PRH1: variants seen among roughly 807,000 people sequenced by gnomAD.
The protein encoded by PRH1 is salivary acidic proline-rich phosphoprotein 1/2.
Under a neutral mutation model 7.9 loss-of-function variants are expected in PRH1, and 7 were observed. The observed-to-expected ratio is 0.89, with a 90% CI of 0.50 to 1.67. The LOEUF is 1.67. PRH1 is among the 40% of genes most tolerant of loss of function. The probability of loss-of-function intolerance (pLI) is 0.00; values close to 1 mark genes in which losing one functional copy is unlikely to be tolerated. For synonymous variants in PRH1, 45 were observed against 80.8 expected, an observed-to-expected ratio of 0.56 and a Z score of 2.38; for missense variants, 109 against 223.6, an observed-to-expected ratio of 0.49 and a Z score of 3.27.
chr12:11,139,741 G>A (rs994556958), intron 1 of PRH1, among the ~76,000 whole-genome samples: 5 of 152,090 alleles, frequency 3.3e-5, no homozygotes, highest in African/African-American at 4.8e-5. Context: ...TCAGTGATAC[G>A]CATGTGCATG....
upstream of PRH1, among the ~76,000 whole-genome samples, chr12:11,049,567 C>A (rs577077026): frequency 3.3e-5 from 5 of 152,264 alleles, no homozygotes; most frequent in South Asian, 1.0e-3. Context: ...AAAGTAAATT[C>A]TCATGTGTTA....
chr12:11,118,959 C>T (rs1945810571), downstream of PRH1, among the ~76,000 whole-genome samples: 1 of 136,286 alleles, frequency 7.3e-6, no homozygotes, highest in Admixed American at 8.3e-5. Flanking sequence ...TGCGCCACTG[C>T]ACTCCAGCCT....
intron 2 of PRH1, among the ~76,000 whole-genome samples, chr12:10,914,361 C>T (rs1201826606): frequency 6.6e-6 from 1 of 152,006 alleles, no homozygotes; most frequent in Non-Finnish European, 1.5e-5. Context: ...ATACATGTGC[C>T]ATAGTAAATT....
chr12:10,882,769 T>G (rs11054060), intron 2 of PRH1, 71 bp from the exon 3 acceptor site: 908,005 of 1,583,150 alleles, frequency 0.57, 266,644 homozygotes, highest in East Asian at 0.74. Context: ...CTCTCTGTCT[T>G]CACCACACGG....
At chr12:11,006,636 T>C (rs1198566017) in intron 1 of PRH1, among the ~76,000 whole-genome samples, 1 of 152,082 alleles carries the variant, frequency 6.6e-6, no homozygotes, top group Non-Finnish European at 1.5e-5. Flanking sequence ...TTAACATGTC[T>C]GAAGAGACAA....
chr12:10,900,244 C>T (rs534229223), intron 2 of PRH1, among the ~76,000 whole-genome samples: 1 of 152,282 alleles, frequency 6.6e-6, no homozygotes, highest in Admixed American at 6.5e-5. Context: ...CAACCCAGTG[C>T]TCAGAGGGAA....
chr12:10,907,597 A>G (rs1949824001), intron 2 of PRH1, among the ~76,000 whole-genome samples: 1 of 151,806 alleles, frequency 6.6e-6, no homozygotes, highest in Non-Finnish European at 1.5e-5. Context: ...GAAATCAAAA[A>G]CTCTCTTATT....
intron 1 of PRH1, chr12:11,030,685 T>C: frequency 6.2e-7 from 1 of 1,614,232 alleles, no homozygotes; most frequent in Non-Finnish European, 8.5e-7. Flanking sequence ...TGCTGGGATC[T>C]TGAGATCCTT....
intron 1 of PRH1, among the ~76,000 whole-genome samples, chr12:11,160,951 T>G (rs953567921): frequency 6.6e-6 from 1 of 152,212 alleles, no homozygotes; most frequent in African/African-American, 2.4e-5. Flanking sequence ...CCAACTTCCA[T>G]GTCCTAAATT....
upstream of PRH1, among the ~76,000 whole-genome samples, chr12:10,887,195 C>T (rs1347577050): frequency 6.6e-6 from 1 of 152,162 alleles, no homozygotes; most frequent in Non-Finnish European, 1.5e-5. Context: ...TCTAGTTTGC[C>T]TGGAACACTA....
intron 1 of PRH1, among the ~76,000 whole-genome samples, chr12:11,147,747 T>C (rs554058418): frequency 6.6e-6 from 1 of 152,338 alleles, no homozygotes; most frequent in South Asian, 2.1e-4. Flanking sequence ...AATGTTGAGT[T>C]CTACAGATGT....
At chr12:10,889,892 C>G (rs1591650239) in intron 2 of PRH1, among the ~76,000 whole-genome samples, 1 of 152,010 alleles carries the variant, frequency 6.6e-6, no homozygotes, top group Admixed American at 6.6e-5. Context: ...TTTCTGCTGA[C>G]AAGTTTTTCC....
At chr12:11,160,034 A>G (rs1947366641) in intron 1 of PRH1, among the ~76,000 whole-genome samples, 1 of 152,224 alleles carries the variant, frequency 6.6e-6, no homozygotes, top group Admixed American at 6.5e-5. Context: ...GGTAATGACT[A>G]AAGAAGCGAA....
chr12:11,040,706 T>C (rs1169538963), intron 1 of PRH1, among the ~76,000 whole-genome samples: 3 of 152,184 alleles, frequency 2.0e-5, no homozygotes, highest in Non-Finnish European at 4.4e-5. Context: ...ACTTAAAGTA[T>C]AATTTTAAAA....
intron 1 of PRH1, among the ~76,000 whole-genome samples, chr12:11,073,931 C>A (rs1274209788): frequency 8.3e-6 from 1 of 120,082 alleles, no homozygotes; most frequent in Non-Finnish European, 2.0e-5. Flanking sequence ...GAACATTAAT[C>A]CAAGCAAAAA....
intron 2 of PRH1, among the ~76,000 whole-genome samples, chr12:10,901,594 A>C (rs1398873436): frequency 6.6e-6 from 1 of 152,194 alleles, no homozygotes; most frequent in African/African-American, 2.4e-5. Context: ...ATCTGCAGCA[A>C]CAGAGAGTTT....
At position 11,106,851 on chromosome 12, in the gene PRH1, A is replaced by G. The variant is rs181956821; in HGVS notation, n.124-59663T>C. ...CATCTGTAAAATGCAAATGATAATA[A>G]TATTCTCTTCAGGTAGTCTTTATGA... On this transcript the variant is annotated intron_variant and non_coding_transcript_variant, in intron 1 of 4. Transcript: ENST00000541977. Among the ~76,000 whole-genome samples the G allele has an allele frequency of 9.2e-5, 14 of 152,298 alleles. No homozygotes were observed. The East Asian group carries it at 2.7e-3, about 29-fold the overall frequency.
chr12:11,168,933 A>G (rs1947720434), intron 1 of PRH1, among the ~76,000 whole-genome samples: 1 of 152,264 alleles, frequency 6.6e-6, no homozygotes, highest in Admixed American at 6.5e-5. Flanking sequence ...ATTATCAGGC[A>G]GATAGCAAAC....
At chr12:10,930,459 C>T (rs1438334156) in intron 2 of PRH1, among the ~76,000 whole-genome samples, 1 of 151,982 alleles carries the variant, frequency 6.6e-6, no homozygotes, top group Non-Finnish European at 1.5e-5. Flanking sequence ...ATTCTGGGGA[C>T]CATGAGTAAA....
Sources: allele counts gnomAD v4.1 joint callset (sites outside exome capture counted in the v4.1 genomes callset), GRCh38; gene constraint gnomAD v4.1.1; transcripts MANE v1.5; gene names NCBI Gene and HGNC (gene_info 2026-07-23, HGNC 2026-07-21).